The following ZNF766 variants were observed in gnomAD, a reference collection of about 807,000 sequenced individuals.
ZNF766 encodes zinc finger protein 766.
In ZNF766, 13 loss-of-function variants were observed where a neutral mutation model predicts 13.2. The observed-to-expected ratio is 0.98, with a 90% confidence interval of 0.64 to 1.56. The LOEUF (loss-of-function observed/expected upper bound fraction) is 1.56, where lower values mean the gene tolerates loss of function less well. Among genes scored for constraint, ZNF766 ranks in the 40% most tolerant of loss-of-function variants. The probability of loss-of-function intolerance (pLI) is 0.00; values close to 1 mark genes in which losing one functional copy is unlikely to be tolerated. For missense variants in ZNF766, 521 were observed against 552.2 expected (o/e 0.94, Z 0.57); for synonymous variants, 178 against 187.6 (o/e 0.95, Z 0.42).
intron 1 of ZNF766, chr19:52,277,584 T>G (rs1438329169): frequency 6.5e-7 from 1 of 1,536,764 alleles, no homozygotes; most frequent in Non-Finnish European, 8.7e-7. Flanking sequence ...TCTTATTTCT[T>G]CCTGAAATGC....
chr19:52,283,890 ACCACG>A (rs1238945177), intron 3 of ZNF766, among the ~76,000 whole-genome samples: 2 of 152,134 alleles, frequency 1.3e-5, no homozygotes, highest in Non-Finnish European at 2.9e-5. Flanking sequence ...GGCGTGCGCC[ACCACG>A]CCCAGCTAAT....
intron 3 of ZNF766, among the ~76,000 whole-genome samples, chr19:52,284,089 G>A (rs1981687559): frequency 1.3e-5 from 2 of 152,180 alleles, no homozygotes; most frequent in Admixed American, 1.3e-4. Context: ...CAGTGTTACT[G>A]CAGCCCAAAC....
chr19:52,271,539 A>G (rs978207200), intron 1 of ZNF766, among the ~76,000 whole-genome samples: 14 of 152,146 alleles, frequency 9.2e-5, no homozygotes, highest in African/African-American at 3.4e-4. Flanking sequence ...GCGATTGTGC[A>G]CCAGGTGCCA....
Position 52,282,244 on chromosome 19 carries a change from A to G in ZNF766, c.145+7A>G. ...AGGAACCTGGTCTCCCTGGGTAAGG[A>G]TAATGCCCCTCCAGAAGTTGGGGTC... On this transcript the variant is annotated splice_region_variant and intron_variant, in intron 2 of 3. Coordinates refer to ENST00000439461, the MANE Select transcript of ZNF766 (RefSeq NM_001010851.3). 6.3e-7 allele frequency: 1 copy of G among 1,591,684 alleles called. No homozygotes were observed. Among genetic ancestry groups the G allele is most frequent in the Non-Finnish European group, 8.6e-7 (1 of 1,168,180 alleles).
At chr19:52,282,019 A>G (rs1981550463) in intron 1 of ZNF766, 92 bp from the exon 2 acceptor site, 2 of 1,474,556 alleles carry the variant, frequency 1.4e-6, no homozygotes, top group East Asian at 2.4e-5. Flanking sequence ...TCAGCACTTC[A>G]GTTGAGTCAG....
At chr19:52,289,997 A>G (rs1982037997) in intron 3 of ZNF766, 69 bp from the exon 4 acceptor site, 2 of 1,503,664 alleles carry the variant, frequency 1.3e-6, no homozygotes, top group African/African-American at 1.4e-5. Context: ...CCAGACTCCA[A>G]CTCAAAAAAA....
chr19:52,279,490 G>A (rs1040409955), intron 1 of ZNF766, among the ~76,000 whole-genome samples: 4 of 151,988 alleles, frequency 2.6e-5, no homozygotes, highest in African/African-American at 9.7e-5. Context: ...CTTCTTATCC[G>A]TGAGCATGGG....
intron 1 of ZNF766, among the ~76,000 whole-genome samples, chr19:52,271,142 T>A (rs1029955957): frequency 1.3e-5 from 2 of 152,142 alleles, no homozygotes; most frequent in African/African-American, 2.4e-5. Flanking sequence ...AAAATTTTAC[T>A]TAGGTTTACT....
intron 1 of ZNF766, among the ~76,000 whole-genome samples, chr19:52,270,434 A>G (rs865864582): frequency 3.9e-5 from 6 of 152,156 alleles, no homozygotes. Context: ...GAAAAGTTCT[A>G]TTTCTAGACA....
chr19:52,283,666 C>T (rs1981659341), intron 3 of ZNF766, among the ~76,000 whole-genome samples: 1 of 152,136 alleles, frequency 6.6e-6, no homozygotes, highest in Admixed American at 6.6e-5. Flanking sequence ...AGTTTAAAAC[C>T]TGTGAGTTCT....
chr19:52,273,940 T>G (rs1981081278), intron 1 of ZNF766, among the ~76,000 whole-genome samples: 1 of 152,212 alleles, frequency 6.6e-6, no homozygotes, highest in Non-Finnish European at 1.5e-5. Flanking sequence ...GGGCCCAGCC[T>G]TAATATTTGA....
chr19:52,281,961 A>G (rs1031129032), intron 1 of ZNF766, 150 bp from the exon 2 acceptor site: 18 of 914,092 alleles, frequency 2.0e-5, no homozygotes, highest in African/African-American at 1.5e-4. Flanking sequence ...TCACAGACAC[A>G]TAACTAGCTC....
At chr19:52,278,726 G>T (rs960244741) in intron 1 of ZNF766, among the ~76,000 whole-genome samples, 1 of 152,064 alleles carries the variant, frequency 6.6e-6, no homozygotes, top group Non-Finnish European at 1.5e-5. Context: ...TTTTAATGGG[G>T]TTTTCTCTTG....
chr19:52,289,191 C>T (rs1484349309), intron 3 of ZNF766, among the ~76,000 whole-genome samples: 1 of 143,462 alleles, frequency 7.0e-6, no homozygotes, highest in African/African-American at 2.7e-5. Context: ...CATTCTGTCA[C>T]TCAGGCTAGA....
chr19:52,283,982 C>G (rs180749484), intron 3 of ZNF766, among the ~76,000 whole-genome samples: 2 of 152,190 alleles, frequency 1.3e-5, no homozygotes, highest in South Asian at 2.1e-4. Flanking sequence ...GTGATCCGCC[C>G]GCCTTGGCCT....
chr19:52,274,627 A>C (rs957642468), intron 1 of ZNF766: 7 of 152,378 alleles, frequency 4.6e-5, no homozygotes, highest in African/African-American at 1.7e-4. Context: ...TCACATCTAT[A>C]ATCCCTGCAC....
At chr19:52,277,635 C>A in intron 1 of ZNF766, 2 of 1,360,910 alleles carry the variant, frequency 1.5e-6, no homozygotes, top group Non-Finnish European at 2.0e-6. Context: ...TCTGAAGCAT[C>A]CTGCCTGACA....
In ZNF766 at chr19:52,292,013, G is replaced by T; in HGVS notation, c.*815G>T. The T allele has an allele frequency of 1.6e-6, 1 of 609,170 alleles. No homozygotes were observed. The highest frequency in any genetic ancestry group is 2.0e-5 in the South Asian group (1 of 50,130). The allele number at this position is 609,170 out of a possible 1,614,324, so 37.7% of individuals were successfully genotyped here. On this transcript the variant is annotated 3_prime_UTR_variant, in exon 4 of 4. Transcript: ENST00000439461. ...CTCAAGCCCAGGAGTTTGAGAGTTT[G>T]AGCAGTGAGCTCTGATCTTGCCATT...
intron 3 of ZNF766, chr19:52,288,106 C>T (rs891200276): frequency 2.0e-5 from 7 of 348,474 alleles, no homozygotes; most frequent in South Asian, 4.1e-5. Context: ...CTGCAACTTC[C>T]GCCTCCCAGG....
Sources: allele counts gnomAD v4.1 joint callset (sites outside exome capture counted in the v4.1 genomes callset), GRCh38; gene constraint gnomAD v4.1.1; transcripts MANE v1.5; gene names NCBI Gene and HGNC (gene_info 2026-07-23, HGNC 2026-07-21).